The following CDH13 variants were observed in gnomAD, a reference collection of about 807,000 sequenced individuals.
The protein encoded by CDH13 is cadherin 13, also known as cadherin-13.
A neutral mutation model predicts 63.8 loss-of-function variants in CDH13; 24 were observed. That is an observed-to-expected ratio of 0.38 (90% CI 0.27 to 0.53). CDH13 has a LOEUF of 0.53. Among genes scored for constraint, CDH13 ranks in the 20% least tolerant of loss-of-function variants. The pLI is 0.85. For synonymous variants in CDH13, 503 were observed against 355.3 expected, an observed-to-expected ratio of 1.42 and a Z score of -4.67; for missense variants, 1,049 against 903.1, an observed-to-expected ratio of 1.16 and a Z score of -2.07.
chr16:83,729,629 G>A (rs999240212), intron 10 of CDH13, among the ~76,000 whole-genome samples: 3 of 152,094 alleles, frequency 2.0e-5, no homozygotes, highest in Non-Finnish European at 4.4e-5. Flanking sequence ...CACCACCTCT[G>A]TTTCTTCATC....
intron 2 of CDH13, among the ~76,000 whole-genome samples, chr16:82,918,506 C>CTT (rs34099579): frequency 6.9e-4 from 83 of 119,696 alleles, no homozygotes; most frequent in Non-Finnish European, 9.6e-4. Flanking sequence ...TACACTTTCA[C>CTT]TTTTTTTTTT....
chr16:82,967,021 C>T (rs755667721), intron 2 of CDH13, among the ~76,000 whole-genome samples: 5 of 152,154 alleles, frequency 3.3e-5, no homozygotes, highest in Non-Finnish European at 5.9e-5. Flanking sequence ...TCTCATGTCT[C>T]TTTAGGTTCC....
chr16:82,655,551 G>T (rs896473472), intron 1 of CDH13, among the ~76,000 whole-genome samples: 1 of 152,140 alleles, frequency 6.6e-6, no homozygotes, highest in African/African-American at 2.4e-5. Context: ...TGCAGGGAGG[G>T]TGTGCGTGTG....
At chr16:82,656,465 C>G (rs1384275228) in intron 1 of CDH13, among the ~76,000 whole-genome samples, 2 of 152,094 alleles carry the variant, frequency 1.3e-5, no homozygotes, top group East Asian at 1.9e-4. Flanking sequence ...GTGGAAGGTA[C>G]AGAAGTTTCC....
intron 1 of CDH13, 27 bp from the exon 2 acceptor site, chr16:82,858,335 A>T (rs534844456): frequency 1.3e-6 from 2 of 1,508,856 alleles, no homozygotes; most frequent in Non-Finnish European, 1.8e-6. Flanking sequence ...GCCGCTATTA[A>T]AATATTGATG....
chr16:83,299,006 A>G (rs1212206560), intron 5 of CDH13, among the ~76,000 whole-genome samples: 1 of 152,238 alleles, frequency 6.6e-6, no homozygotes, highest in Non-Finnish European at 1.5e-5. Context: ...ATAAAGCATG[A>G]GTAAAAATAA....
chr16:83,195,177 C>A (rs2038843104), intron 4 of CDH13, among the ~76,000 whole-genome samples: 1 of 151,880 alleles, frequency 6.6e-6, no homozygotes, highest in Non-Finnish European at 1.5e-5. Context: ...GTTGAGAGTC[C>A]ATTATGATTG....
intron 1 of CDH13, among the ~76,000 whole-genome samples, chr16:82,698,998 T>C (rs12596100): frequency 0.54 from 82,565 of 151,978 alleles, 22,527 homozygotes; most frequent in African/African-American, 0.6. Context: ...AAAAATAGAC[T>C]GCATGCCACA....
intron 8 of CDH13, among the ~76,000 whole-genome samples, chr16:83,606,319 G>A (rs1198795327): frequency 6.6e-6 from 1 of 152,156 alleles, no homozygotes; most frequent in African/African-American, 2.4e-5. Context: ...TCCCTCTCCG[G>A]AGAGATGTAT....
At chr16:82,905,120 T>TG (rs745829543) in intron 2 of CDH13, among the ~76,000 whole-genome samples, 2 of 152,164 alleles carry the variant, frequency 1.3e-5, no homozygotes, top group Non-Finnish European at 2.9e-5. Flanking sequence ...GCAGAGGCAG[T>TG]GCCATTCACA....
At chr16:82,994,457 C>G (rs1208731700) in intron 2 of CDH13, among the ~76,000 whole-genome samples, 4 of 152,198 alleles carry the variant, frequency 2.6e-5, no homozygotes, top group Non-Finnish European at 5.9e-5. Flanking sequence ...GGGCTTCTAT[C>G]AGCTCCAGCA....
chr16:83,275,700 C>G (rs1471409989), intron 5 of CDH13, among the ~76,000 whole-genome samples: 1 of 152,044 alleles, frequency 6.6e-6, no homozygotes, highest in Non-Finnish European at 1.5e-5. Context: ...CTTGTGACTA[C>G]AGGATTAATG....
At chr16:82,677,304 AC>A (rs1023015664) in intron 1 of CDH13, among the ~76,000 whole-genome samples, 156 of 152,198 alleles carry the variant, frequency 1.0e-3, no homozygotes, top group African/African-American at 3.5e-3. Flanking sequence ...TAGATCTGAT[AC>A]CCCTCTTATT....
chr16:82,974,218 C>G (rs1282870563), intron 2 of CDH13, among the ~76,000 whole-genome samples: 1 of 152,166 alleles, frequency 6.6e-6, no homozygotes, highest in South Asian at 2.1e-4. Context: ...GGATTACAGG[C>G]GTGAGCCACC....
intron 2 of CDH13, among the ~76,000 whole-genome samples, chr16:83,017,585 G>C (rs946514864): frequency 3.9e-5 from 6 of 152,174 alleles, no homozygotes; most frequent in African/African-American, 1.2e-4. Context: ...TTGGAGAATT[G>C]AAAGAAATAA....
chr16:83,413,625 C>G (rs1025406062), intron 6 of CDH13, among the ~76,000 whole-genome samples: 9 of 152,104 alleles, frequency 5.9e-5, no homozygotes, highest in African/African-American at 1.9e-4. Flanking sequence ...AATCATGCAG[C>G]CCATAATAGG....
intron 6 of CDH13, among the ~76,000 whole-genome samples, chr16:83,413,084 A>G (rs567698167): frequency 3.3e-4 from 51 of 152,348 alleles, no homozygotes; most frequent in African/African-American, 1.2e-3. Context: ...ACATCATAGC[A>G]TCAAACAGTG....
At chr16:83,686,930 C>T (rs562438274) in intron 10 of CDH13, among the ~76,000 whole-genome samples, 6 of 152,116 alleles carry the variant, frequency 3.9e-5, no homozygotes, top group Non-Finnish European at 8.8e-5. Context: ...ATGGGTTGAC[C>T]GAATGCGGTG....
intron 6 of CDH13, among the ~76,000 whole-genome samples, chr16:83,392,000 C>G (rs971067408): frequency 1.3e-5 from 2 of 152,170 alleles, no homozygotes; most frequent in African/African-American, 4.8e-5. Flanking sequence ...TAGTCAGGAG[C>G]TCCATGCATC....
Sources: allele counts gnomAD v4.1 joint callset (sites outside exome capture counted in the v4.1 genomes callset), GRCh38; gene constraint gnomAD v4.1.1; transcripts MANE v1.5; gene names NCBI Gene and HGNC (gene_info 2026-07-23, HGNC 2026-07-21).